The following PDE3A variants were observed in gnomAD, a reference collection of about 807,000 sequenced individuals.
PDE3A encodes phosphodiesterase 3A.
A neutral mutation model predicts 98.3 loss-of-function variants in PDE3A; 43 were observed. The ratio of observed to expected loss-of-function variants is 0.44; its 90% CI spans 0.34 to 0.56. PDE3A has a LOEUF of 0.56. PDE3A is among the 20% of genes least tolerant of loss of function. The pLI, the probability that PDE3A is intolerant of heterozygous loss-of-function variation, is 0.01. For missense variants in PDE3A, 1,427 were observed against 1,440.7 expected (o/e 0.99, Z 0.15); for synonymous variants, 663 against 567.9 (o/e 1.17, Z -2.38).
Position 20,613,642 on chromosome 12 carries a change from A to G in PDE3A, c.1211A>G (p.Asn404Ser), listed in dbSNP as rs1943925412. Reference protein sequence around the residue: ...RVNPVTSLSENYTCSDSEESS... With the variant: ...RVNPVTSLSESYTCSDSEESS... ...AATCCCGTCACTTCGCTCAGTGAAA[A>G]CTATACCTGTTCTGACTCTGAAGAG... The change falls in exon 3 of 16, where the codon AAC becomes AGC. Residue 404 changes from asparagine (N) to serine (S), a missense_variant. By Grantham distance (46) the Asn-to-Ser change is conservative. Around this residue, in one of 3 missense-constraint regions of PDE3A, gnomAD observed 1,012 missense variants for 886.5 expected, o/e 1.14. Transcript: ENST00000359062. 2.5e-6 allele frequency: 4 copies of G among 1,613,934 alleles called. No individual in the cohort carries two copies. The highest frequency in any genetic ancestry group is 3.4e-6 in the Non-Finnish European group (4 of 1,179,798).
At chr12:20,396,135 G>A (rs951631249) in intron 1 of PDE3A, among the ~76,000 whole-genome samples, 1 of 152,042 alleles carries the variant, frequency 6.6e-6, no homozygotes, top group Non-Finnish European at 1.5e-5. Flanking sequence ...TAGAAAACAA[G>A]TATTATAAAT....
In PDE3A at chr12:20,687,701, A is replaced by G. The variant is rs1946007737; in HGVS notation, c.*7430A>G. On this transcript the variant is annotated 3_prime_UTR_variant, in exon 16 of 16. Coordinates refer to ENST00000359062, the MANE Select transcript of PDE3A (RefSeq NM_000921.5). Reference sequence around the variant, plus strand: ...CAAAATGAAAATTGGTGCTTTTACAAATATTTGAAAGCTCTCAATGCAAAA... The same window carrying G: ...CAAAATGAAAATTGGTGCTTTTACAGATATTTGAAAGCTCTCAATGCAAAA... 6.6e-6 allele frequency among the ~76,000 whole-genome samples: 1 copy of G among 151,952 alleles called. No individual in the cohort carries two copies. The highest frequency in any genetic ancestry group is 2.4e-5 in the African/African-American group (1 of 41,386).
intron 1 of PDE3A, among the ~76,000 whole-genome samples, chr12:20,502,193 T>G (rs891056635): frequency 2.0e-5 from 3 of 152,150 alleles, no homozygotes; most frequent in African/African-American, 7.2e-5. Context: ...AGATGGTAGA[T>G]TTTCAGTTTT....
In PDE3A at chr12:20,680,028, A is replaced by G; in HGVS notation, c.3185-2A>G. On this transcript the variant is annotated splice_acceptor_variant, in intron 15 of 15. Coordinates refer to ENST00000359062, the MANE Select transcript of PDE3A (RefSeq NM_000921.5). LOFTEE classifies it high-confidence loss of function. ...TGGTGTTTTTTATTTTATTTATTTTAGAAAAGAAGACTTTCAAAAGGAGAA... is the reference window on the plus strand; with the variant it reads ...TGGTGTTTTTTATTTTATTTATTTTGGAAAAGAAGACTTTCAAAAGGAGAA... 6.3e-7 allele frequency: 1 copy of G among 1,586,732 alleles called. No homozygotes were observed. Among genetic ancestry groups the G allele is most frequent in the Non-Finnish European group, 8.6e-7 (1 of 1,161,270 alleles).
intron 1 of PDE3A, among the ~76,000 whole-genome samples, chr12:20,385,288 G>C (rs543140069): frequency 8.6e-5 from 13 of 151,974 alleles, no homozygotes; most frequent in African/African-American, 2.7e-4. Context: ...GTCAGGAAGC[G>C]ACAGGTGCTG....
chr12:20,634,276 C>T (rs1192208037), intron 7 of PDE3A, among the ~76,000 whole-genome samples: 1 of 152,146 alleles, frequency 6.6e-6, no homozygotes, highest in Non-Finnish European at 1.5e-5. Context: ...TTCCTTCAGG[C>T]ACCTTAGTCA....
chr12:20,567,049 T>A (rs1338564285), intron 2 of PDE3A, among the ~76,000 whole-genome samples: 1 of 151,926 alleles, frequency 6.6e-6, no homozygotes, highest in Non-Finnish European at 1.5e-5. Context: ...CTAGGACAAT[T>A]TAGTTTTCTT....
chr12:20,424,814 T>A (rs1311812906), intron 1 of PDE3A, among the ~76,000 whole-genome samples: 1 of 152,180 alleles, frequency 6.6e-6, no homozygotes, highest in Non-Finnish European at 1.5e-5. Flanking sequence ...AACAACCATA[T>A]CAAGACAGTG....
At chr12:20,572,916 T>G (rs1325393059) in intron 2 of PDE3A, among the ~76,000 whole-genome samples, 5 of 152,050 alleles carry the variant, frequency 3.3e-5, no homozygotes, top group Non-Finnish European at 5.9e-5. Flanking sequence ...ATATATAATA[T>G]CTTCCCCCCA....
chr12:20,474,533 A>G (rs1011363278), intron 1 of PDE3A, among the ~76,000 whole-genome samples: 1 of 152,326 alleles, frequency 6.6e-6, no homozygotes, highest in Non-Finnish European at 1.5e-5. Context: ...GGAAGGTCAT[A>G]AGCACGAAGT....
intron 15 of PDE3A, among the ~76,000 whole-genome samples, chr12:20,662,749 T>G (rs924192974): frequency 6.6e-6 from 1 of 152,134 alleles, no homozygotes; most frequent in African/African-American, 2.4e-5. Flanking sequence ...AAGCTGAGCA[T>G]AAAAATTCAG....
At position 20,581,769 on chromosome 12, in the gene PDE3A, C is replaced by T. The variant is rs112772230; in HGVS notation, c.1011+25059C>T. 5.5e-3 allele frequency among the ~76,000 whole-genome samples: 834 copies of T among 151,802 alleles called. 10 individuals are homozygous for T. Among genetic ancestry groups the T allele is most frequent in the African/African-American group, 0.019 (802 of 41,446 alleles). On this transcript the variant is annotated intron_variant, in intron 2 of 15. Transcript: ENST00000359062. ...CTGGGACTACAGGCGCCCGCCACTACGCCCGGCTAATTTTTTGTATTTTTA... is the reference window on the plus strand; with the variant it reads ...CTGGGACTACAGGCGCCCGCCACTATGCCCGGCTAATTTTTTGTATTTTTA...
intron 1 of PDE3A, among the ~76,000 whole-genome samples, chr12:20,512,776 C>T (rs1358013237): frequency 6.6e-6 from 1 of 152,044 alleles, no homozygotes; most frequent in Non-Finnish European, 1.5e-5. Flanking sequence ...GTCCTATTTC[C>T]ATGAGAGTGA....
At chr12:20,408,861 A>T (rs1250254122) in intron 1 of PDE3A, among the ~76,000 whole-genome samples, 2 of 152,188 alleles carry the variant, frequency 1.3e-5, no homozygotes, top group Admixed American at 6.5e-5. Context: ...ATGTGTACAT[A>T]TATTATTTCG....
chr12:20,613,730 G>T (rs1432247110), intron 3 of PDE3A, 30 bp downstream of exon 3: 2 of 1,583,872 alleles, frequency 1.3e-6, no homozygotes, highest in Non-Finnish European at 1.7e-6. Context: ...CCCTTAAAGG[G>T]TTAAACTATT....
At chr12:20,370,284 G>C in intron 1 of PDE3A, 40 bp downstream of exon 1, 2 of 1,481,542 alleles carry the variant, frequency 1.3e-6, no homozygotes, top group Non-Finnish European at 8.9e-7. Context: ...TTGGAAACTT[G>C]AAACACTTGG....
At chr12:20,594,219 T>TTAAG (rs1943409528) in intron 2 of PDE3A, among the ~76,000 whole-genome samples, 4 of 152,140 alleles carry the variant, frequency 2.6e-5, no homozygotes, top group South Asian at 2.1e-4. Flanking sequence ...AACAATGTTT[T>TTAAG]TAAGTTGCGA....
chr12:20,654,321 AG>A, intron 15 of PDE3A, 116 bp downstream of exon 15: 1 of 954,880 alleles, frequency 1.0e-6, no homozygotes, highest in South Asian at 1.7e-5. Flanking sequence ...TCATTTGCGG[AG>A]TTTGACTACG....
intron 1 of PDE3A, among the ~76,000 whole-genome samples, chr12:20,516,732 AC>A (rs1317130252): frequency 2.6e-5 from 4 of 152,172 alleles, no homozygotes; most frequent in African/African-American, 2.4e-5. Flanking sequence ...CAAAAATCAA[AC>A]GTTTTTATTT....
Sources: allele counts gnomAD v4.1 joint callset (sites outside exome capture counted in the v4.1 genomes callset), GRCh38; gene constraint gnomAD v4.1.1; regional missense constraint gnomAD v4.1.1; transcripts MANE v1.5; gene names NCBI Gene and HGNC (gene_info 2026-07-23, HGNC 2026-07-21).